HS6ST2: variants seen among roughly 807,000 people sequenced by gnomAD.
HS6ST2 encodes heparan sulfate 6-O-sulfotransferase 2, also known as heparan-sulfate 6-O-sulfotransferase 2.
In HS6ST2, 17 loss-of-function variants were observed where a neutral mutation model predicts 33.0. The observed-to-expected ratio is 0.52, with a 90% confidence interval of 0.35 to 0.77. The LOEUF is 0.77. Ranked by LOEUF, HS6ST2 falls within the 30% of genes least tolerant of loss-of-function variation. The probability of loss-of-function intolerance (pLI) is 0.01; values close to 1 mark genes in which losing one functional copy is unlikely to be tolerated. For synonymous variants in HS6ST2, 248 were observed against 237.1 expected (o/e 1.05, Z -0.42); for missense variants, 519 against 551.7 (o/e 0.94, Z 0.59).
chrX:132,700,091 G>C (rs2064132555), intron 3 of HS6ST2, among the ~76,000 whole-genome samples: 1 of 111,869 alleles, frequency 8.9e-6, no homozygotes, highest in Non-Finnish European at 1.9e-5. Flanking sequence ...AAGGCAAACT[G>C]TGCCCTGTGG....
At chrX:132,883,990 C>A (rs183773206) in intron 2 of HS6ST2, among the ~76,000 whole-genome samples, 1 of 112,070 alleles carries the variant, frequency 8.9e-6, no homozygotes, top group African/African-American at 3.2e-5. Context: ...AATGTTCAAT[C>A]TGTAACATAT....
chrX:132,910,921 G>A (rs2066526090), intron 2 of HS6ST2, among the ~76,000 whole-genome samples: 1 of 111,224 alleles, frequency 9.0e-6, no homozygotes, highest in African/African-American at 3.3e-5. Context: ...AGGCCGAGGC[G>A]GGTGGTTCAC....
chrX:132,746,922 C>T (rs1357644495), intron 2 of HS6ST2, among the ~76,000 whole-genome samples: 1 of 111,970 alleles, frequency 8.9e-6, no homozygotes, highest in East Asian at 2.8e-4. Flanking sequence ...TCCCTACCTA[C>T]AGTGGTTGGT....
intron 2 of HS6ST2, among the ~76,000 whole-genome samples, chrX:132,828,887 A>G (rs1000470103): frequency 1.6e-4 from 16 of 102,983 alleles, no homozygotes; most frequent in Non-Finnish European, 3.1e-4. Flanking sequence ...TTAAATATGT[A>G]GCTATATATA....
intron 2 of HS6ST2, among the ~76,000 whole-genome samples, chrX:132,893,298 T>G (rs771318719): frequency 8.9e-6 from 1 of 112,452 alleles, no homozygotes; most frequent in Admixed American, 9.5e-5. Context: ...GCTTGACTTA[T>G]AGTATTCACG....
At chrX:132,899,237 T>A (rs1228600464) in intron 2 of HS6ST2, among the ~76,000 whole-genome samples, 2 of 111,385 alleles carry the variant, frequency 1.8e-5, no homozygotes, top group Admixed American at 1.9e-4. Flanking sequence ...ATGTCCAACA[T>A]CCAATCAAAA....
intron 3 of HS6ST2, among the ~76,000 whole-genome samples, chrX:132,677,552 C>T (rs989248847): frequency 1.8e-5 from 2 of 112,375 alleles, no homozygotes; most frequent in Non-Finnish European, 3.8e-5. Context: ...GGGCTTCTAA[C>T]ATGTTTACTG....
Position 132,866,574 on chromosome X carries a change from T to C in HS6ST2, c.947+90234A>G, listed in dbSNP as rs1255426249. On this transcript the variant is annotated intron_variant, in intron 2 of 4. Transcript: ENST00000370833. ...AATCTGTAAATTACCTTGGGCAGTA[T>C]GGCCATTTTCACGATATTGATTCTT... Among the ~76,000 whole-genome samples the C allele has an allele frequency of 8.5e-5, 7 of 82,498 alleles. No individual in the cohort carries two copies. In the East Asian group the frequency reaches 1.1e-3, roughly 13 times the overall value. 71.6% of individuals were successfully genotyped at this position (82,498 alleles called of 115,157 possible).
intron 3 of HS6ST2, among the ~76,000 whole-genome samples, chrX:132,675,747 G>C (rs1455644733): frequency 1.8e-5 from 2 of 111,867 alleles, no homozygotes; most frequent in Non-Finnish European, 3.8e-5. Flanking sequence ...TTCACTTGCA[G>C]TTCACATCTT....
At chrX:132,793,702 C>T (rs994934263) in intron 2 of HS6ST2, among the ~76,000 whole-genome samples, 4 of 111,938 alleles carry the variant, frequency 3.6e-5, no homozygotes, top group Non-Finnish European at 7.5e-5. Flanking sequence ...GGGGTGAAAA[C>T]GTTTGATATT....
chrX:132,905,635 G>A (rs1569502922), intron 2 of HS6ST2, among the ~76,000 whole-genome samples: 1 of 112,161 alleles, frequency 8.9e-6, no homozygotes, highest in South Asian at 3.7e-4. Flanking sequence ...GACATTTGGA[G>A]GGGCAAGTAT....
Position 132,815,357 on chromosome X carries a change from T to G in HS6ST2, c.948-106863A>C, listed in dbSNP as rs1456324149. ...GAAACTCATTTAATCTTCACAAGAG[T>G]CCTATAAGGTAGTTACAATTATTAT... On this transcript the variant is annotated intron_variant, in intron 2 of 4. Transcript: ENST00000370833. Among the ~76,000 whole-genome samples, 3 of 111,659 alleles carry G rather than the reference T, an allele frequency of 2.7e-5. No homozygotes were observed. The East Asian group carries it at 8.4e-4, about 31-fold the overall frequency.
intron 4 of HS6ST2, among the ~76,000 whole-genome samples, chrX:132,629,841 C>T (rs748269879): frequency 9.8e-5 from 11 of 112,079 alleles, no homozygotes; most frequent in African/African-American, 3.2e-4. Context: ...TGGTTTCCAC[C>T]TTTGCTCCTA....
At chrX:132,735,014 T>C (rs1437087211) in intron 2 of HS6ST2, 1 of 111,277 alleles carries the variant, frequency 9.0e-6, no homozygotes, top group Non-Finnish European at 1.9e-5. Context: ...TGGTGGTGTG[T>C]GTGAGAAGAG....
intron 3 of HS6ST2, among the ~76,000 whole-genome samples, chrX:132,701,228 A>G (rs754443769): frequency 8.9e-6 from 1 of 112,030 alleles, no homozygotes; most frequent in Non-Finnish European, 1.9e-5. Context: ...AGCCTTTTCA[A>G]TTAAAATCAT....
At chrX:132,704,285 T>A (rs954734527) in intron 3 of HS6ST2, among the ~76,000 whole-genome samples, 4 of 112,549 alleles carry the variant, frequency 3.6e-5, no homozygotes, top group Non-Finnish European at 5.6e-5. Flanking sequence ...CCAGGCATGG[T>A]GGCTCACGCC....
chrX:132,680,462 A>G (rs2063960773), intron 3 of HS6ST2, among the ~76,000 whole-genome samples: 1 of 111,719 alleles, frequency 9.0e-6, no homozygotes, highest in Non-Finnish European at 1.9e-5. Flanking sequence ...TTAGCTGGAT[A>G]TAGAGATCTC....
In HS6ST2 at chrX:132,629,081, G is replaced by C; in HGVS notation, c.1080C>G (p.Tyr360Ter). The change falls in exon 5 of 5, where the codon TAC (tyrosine) becomes TAG (stop). Residue 360 changes from tyrosine (Y) to a stop codon, truncating the protein, a stop_gained. Coordinates refer to ENST00000370833, the MANE Select transcript of HS6ST2 (RefSeq NM_001394073.1). LOFTEE classifies it high-confidence loss of function. The stretch of plus-strand genomic sequence containing the variant: ...ACACTGGGTCTCGGAGGATGGTGAT[G>C]TAGTGGAAGTTCCTATGGATGAAGC... ...NTSKSGKNFHYITILRDPVSR... is the reference protein window; with the variant it reads ...NTSKSGKNFH 8.4e-7 allele frequency: 1 copy of C among 1,195,538 alleles called. No homozygotes were observed. Among genetic ancestry groups the C allele is most frequent in the Non-Finnish European group, 1.1e-6 (1 of 886,199 alleles).
chrX:132,651,012 C>T (rs1281432462), intron 4 of HS6ST2, among the ~76,000 whole-genome samples: 3 of 111,348 alleles, frequency 2.7e-5, no homozygotes, highest in Non-Finnish European at 3.8e-5. Context: ...AAATTATCCT[C>T]CCACCTTGGC....
Sources: allele counts gnomAD v4.1 joint callset (sites outside exome capture counted in the v4.1 genomes callset), GRCh38; gene constraint gnomAD v4.1.1; transcripts MANE v1.5; gene names NCBI Gene and HGNC (gene_info 2026-07-23, HGNC 2026-07-21).